Variants in SPATA13 observed in about 807,000 individuals in gnomAD.
SPATA13 encodes the protein spermatogenesis associated 13.
A neutral mutation model predicts 104.0 loss-of-function variants in SPATA13; 50 were observed. The observed-to-expected ratio is 0.48, with a 90% CI of 0.38 to 0.61. The LOEUF is 0.61. Among genes scored for constraint, SPATA13 ranks in the 20% least tolerant of loss-of-function variants. The probability of loss-of-function intolerance (pLI) is 0.00; values close to 1 mark genes in which losing one functional copy is unlikely to be tolerated. For missense variants in SPATA13, 1,524 were observed against 1,690.6 expected (o/e 0.90, Z 1.73); for synonymous variants, 606 against 667.5 (o/e 0.91, Z 1.42).
intron 4 of SPATA13, among the ~76,000 whole-genome samples, chr13:24,267,619 A>G (rs1393766642): frequency 1.3e-5 from 2 of 152,264 alleles, no homozygotes; most frequent in Non-Finnish European, 2.9e-5. Flanking sequence ...TTAACCAAAA[A>G]AAAAATTTTT....
chr13:24,045,736 G>C (rs1175249701), intron 3 of SPATA13, among the ~76,000 whole-genome samples: 1 of 152,204 alleles, frequency 6.6e-6, no homozygotes, highest in Non-Finnish European at 1.5e-5. Flanking sequence ...AAAAGATCAT[G>C]TTTGCCCTGC....
intron 4 of SPATA13, among the ~76,000 whole-genome samples, chr13:24,263,557 C>G (rs1271392803): frequency 6.6e-6 from 1 of 152,292 alleles, no homozygotes; most frequent in East Asian, 1.9e-4. Flanking sequence ...TGCATATAAC[C>G]CATGCCCATC....
At chr13:24,079,639 G>C (rs1217297763) in intron 3 of SPATA13, among the ~76,000 whole-genome samples, 1 of 151,906 alleles carries the variant, frequency 6.6e-6, no homozygotes, top group Non-Finnish European at 1.5e-5. Context: ...CCAAGTATGG[G>C]GTCCAGTTCT....
chr13:24,200,685 T>C (rs1041704762), intron 1 of SPATA13, among the ~76,000 whole-genome samples: 8 of 151,792 alleles, frequency 5.3e-5, no homozygotes, highest in African/African-American at 1.9e-4. Context: ...TTATGTTTTT[T>C]GCTCTCGGTG....
chr13:24,290,534 A>T (rs1876269987), intron 8 of SPATA13, 118 bp from the exon 9 acceptor site: 1 of 766,420 alleles, frequency 1.3e-6, no homozygotes, highest in Non-Finnish European at 2.2e-6. Flanking sequence ...TCCTTCTTGC[A>T]GTAGTCCATC....
chr13:24,121,361 A>G (rs1352301072), intron 3 of SPATA13, among the ~76,000 whole-genome samples: 1 of 152,184 alleles, frequency 6.6e-6, no homozygotes, highest in Non-Finnish European at 1.5e-5. Context: ...ACTTGAAATT[A>G]CCCTTGCCTC....
At chr13:24,029,800 A>G (rs1877393615) in intron 3 of SPATA13, among the ~76,000 whole-genome samples, 1 of 151,802 alleles carries the variant, frequency 6.6e-6, no homozygotes, top group Admixed American at 6.6e-5. Flanking sequence ...GATAGGCCCC[A>G]GTGTGTGTTG....
At chr13:24,087,443 A>G (rs935631035) in intron 3 of SPATA13, among the ~76,000 whole-genome samples, 1 of 152,234 alleles carries the variant, frequency 6.6e-6, no homozygotes, top group African/African-American at 2.4e-5. Context: ...GAGAAAGTAG[A>G]TTGTGACCCT....
intron 2 of SPATA13, among the ~76,000 whole-genome samples, chr13:24,234,482 T>C (rs1872464210): frequency 6.6e-6 from 1 of 152,128 alleles, no homozygotes; most frequent in Non-Finnish European, 1.5e-5. Flanking sequence ...CCACCCAGGG[T>C]GGAATTGCTT....
At chr13:24,063,750 A>G (rs1180607822) in intron 3 of SPATA13, among the ~76,000 whole-genome samples, 1 of 152,178 alleles carries the variant, frequency 6.6e-6, no homozygotes, top group African/African-American at 2.4e-5. Flanking sequence ...AAATCAAAGA[A>G]AACAAAACAG....
Position 24,223,826 on chromosome 13 carries a change from G to T in SPATA13, c.897G>T (p.Lys299Asn), listed in dbSNP as rs764044800. 1.9e-6 allele frequency: 3 copies of T among 1,551,660 alleles called. No homozygotes were observed. In the African/African-American group the frequency reaches 4.1e-5, roughly 21 times the overall value. The change falls in exon 2 of 13, where the codon AAG (lysine) becomes AAT (asparagine). Residue 299 changes from lysine (K) to asparagine (N), a missense_variant. By Grantham distance (94) the Lys-to-Asn change is moderately conservative. This residue lies in a region of SPATA13 where 1,089 missense variants were observed against 1,135.9 expected (regional missense o/e 0.96). Transcript: ENST00000382108. ...TLSSSSTDSQ[K>N]LGSGRTKRWR... is the part of the protein sequence containing the mutation. ...GCAGTTCCTCCACTGACTCCCAAAA[G>T]CTTGGGTCAGGAAGGACCAAACGCT... is the stretch of plus-strand genomic sequence containing the variant.
chr13:24,239,949 A>AT lies in SPATA13; in HGVS notation c.1654-9525dup, dbSNP rs146043683. On this transcript the variant is annotated intron_variant, in intron 2 of 12. Transcript: ENST00000382108. ...GTTTTAAGATGTGGTCATTATGTGC[A>AT]TTTATTTCATAATATGATGACTTTA... Among the ~76,000 whole-genome samples the AT allele has an allele frequency of 4.5e-3, 685 of 151,934 alleles. 6 individuals are homozygous for AT. Among genetic ancestry groups the AT allele is most frequent in the African/African-American group, 0.015 (617 of 41,290 alleles).
At chr13:24,001,082 T>C (rs1339806490) in intron 2 of SPATA13, among the ~76,000 whole-genome samples, 1 of 152,178 alleles carries the variant, frequency 6.6e-6, no homozygotes, top group Non-Finnish European at 1.5e-5. Flanking sequence ...ACTATTATTA[T>C]GATCTGACAC....
At chr13:24,064,267 G>A (rs921509123) in intron 3 of SPATA13, among the ~76,000 whole-genome samples, 5 of 152,184 alleles carry the variant, frequency 3.3e-5, no homozygotes, top group African/African-American at 1.2e-4. Flanking sequence ...TCTCCGTTTC[G>A]TCAAGCCCAC....
chr13:24,003,253 T>C (rs1198065354), intron 2 of SPATA13, among the ~76,000 whole-genome samples: 1 of 152,118 alleles, frequency 6.6e-6, no homozygotes, highest in Admixed American at 6.5e-5. Context: ...TCAGAGAAGG[T>C]GTTGGATTAA....
At chr13:24,069,153 A>G (rs1394575994) in intron 3 of SPATA13, among the ~76,000 whole-genome samples, 2 of 152,112 alleles carry the variant, frequency 1.3e-5, no homozygotes, top group African/African-American at 2.4e-5. Flanking sequence ...TTCTAGTTCC[A>G]TGAAAAATCT....
intron 3 of SPATA13, among the ~76,000 whole-genome samples, chr13:24,139,799 G>A (rs547953849): frequency 5.8e-4 from 89 of 152,294 alleles, no homozygotes; most frequent in Non-Finnish European, 1.1e-3. Context: ...CGGGCGCGGT[G>A]GCTCACGTCT....
rs201659647 is a variant in SPATA13 at position 24,269,892 on chromosome 13, A to ATT, written c.2165-14232_2165-14231dup. On this transcript the variant is annotated intron_variant, in intron 4 of 12. Coordinates refer to ENST00000382108, the MANE Select transcript of SPATA13 (RefSeq NM_001166271.3). The stretch of plus-strand genomic sequence containing the variant: ...GTGTGAGCTACCTTGCCCAGACCTA[A>ATT]TTTTTTTTTTTTAGAGATAGGGTCT... Among the ~76,000 whole-genome samples, 3 of 143,130 alleles carry ATT rather than the reference A, an allele frequency of 2.1e-5. No homozygotes were observed. In the East Asian group the frequency reaches 6.0e-4, roughly 29 times the overall value. The allele number at this position is 143,130 out of a possible 152,430, so 93.9% of individuals were successfully genotyped here.
At chr13:24,241,666 C>T (rs1314486866) in intron 2 of SPATA13, among the ~76,000 whole-genome samples, 1 of 152,210 alleles carries the variant, frequency 6.6e-6, no homozygotes, top group Non-Finnish European at 1.5e-5. Flanking sequence ...GTTTATGGGG[C>T]ACCTCCCCGC....
Sources: gnomAD v4.1 joint callset for allele counts (sites outside exome capture counted in the v4.1 genomes callset) on GRCh38, gnomAD v4.1.1 for gene constraint, gnomAD v4.1.1 regional missense constraint, MANE v1.5 for transcripts, NCBI Gene and HGNC (gene_info 2026-07-23, HGNC 2026-07-21) for gene names.